Variants in DGKB observed in about 807,000 individuals in gnomAD.
DGKB encodes the protein 90 kDa diacylglycerol kinase.
A neutral mutation model predicts 114.3 loss-of-function variants in DGKB; 67 were observed. The ratio of observed to expected loss-of-function variants is 0.59; its 90% CI spans 0.48 to 0.72. DGKB has a LOEUF of 0.72. Among genes scored for constraint, DGKB ranks in the 30% least tolerant of loss-of-function variants. DGKB has a pLI of 0.00. For missense variants in DGKB, 907 were observed against 975.2 expected, an observed-to-expected ratio of 0.93 and a Z score of 0.93; for synonymous variants, 398 against 323.1, an observed-to-expected ratio of 1.23 and a Z score of -2.49.
intron 23 of DGKB, among the ~76,000 whole-genome samples, chr7:14,291,360 T>C (rs2128472518): frequency 6.6e-6 from 1 of 152,230 alleles, no homozygotes; most frequent in Non-Finnish European, 1.5e-5. Flanking sequence ...ACTTCCTTTC[T>C]TGCAAATTCA....
intron 22 of DGKB, among the ~76,000 whole-genome samples, chr7:14,344,038 A>C (rs1037015396): frequency 6.7e-6 from 1 of 148,596 alleles, no homozygotes; most frequent in Non-Finnish European, 1.5e-5. Flanking sequence ...TACATATACA[A>C]TTATTATATA....
At chr7:14,719,952 A>G (rs1828863232) in intron 5 of DGKB, among the ~76,000 whole-genome samples, 1 of 152,152 alleles carries the variant, frequency 6.6e-6, no homozygotes, top group African/African-American at 2.4e-5. Context: ...CGTCTTACAG[A>G]TTTTAACTTC....
chr7:14,247,864 G>T (rs1178351500), intron 23 of DGKB, among the ~76,000 whole-genome samples: 1 of 151,958 alleles, frequency 6.6e-6, no homozygotes, highest in East Asian at 1.9e-4. Flanking sequence ...AATATCACTT[G>T]TCTATTTTTG....
chr7:14,648,186 G>A lies in DGKB; in HGVS notation c.1135-17918C>T, dbSNP rs540838144. ...CCTGCCTCTGTAGGCTCCACCTCTG[G>A]GGGCAAGGCACAGACAAACAAAAAG... On this transcript the variant is annotated intron_variant, in intron 13 of 25. Coordinates refer to ENST00000402815, the MANE Select transcript of DGKB (RefSeq NM_001350709.2). Among the ~76,000 whole-genome samples, 698 of 152,336 alleles carry A rather than the reference G, an allele frequency of 4.6e-3. 2 individuals carry two copies. Among genetic ancestry groups the A allele is most frequent in the African/African-American group, 0.015 (638 of 41,580 alleles).
chr7:14,249,347 C>A (rs1476578559), intron 23 of DGKB, among the ~76,000 whole-genome samples: 1 of 152,076 alleles, frequency 6.6e-6, no homozygotes, highest in Non-Finnish European at 1.5e-5. Context: ...CAGTGTAATC[C>A]TGGCCTTGCA....
chr7:14,636,825 GA>G (rs967096897), intron 13 of DGKB, among the ~76,000 whole-genome samples: 3 of 151,802 alleles, frequency 2.0e-5, no homozygotes, highest in African/African-American at 7.2e-5. Flanking sequence ...CCAGATTTGT[GA>G]AAACACTAAT....
chr7:14,229,002 A>C (rs1791286769), intron 23 of DGKB, among the ~76,000 whole-genome samples: 1 of 151,902 alleles, frequency 6.6e-6, no homozygotes, highest in South Asian at 2.1e-4. Flanking sequence ...CATTAAGAAA[A>C]TGAGCAGGCT....
At chr7:14,562,623 C>T (rs1288348969) in intron 20 of DGKB, among the ~76,000 whole-genome samples, 1 of 152,168 alleles carries the variant, frequency 6.6e-6, no homozygotes, top group African/African-American at 2.4e-5. Context: ...CATTTTGGAA[C>T]TCGAAGGTTT....
intron 23 of DGKB, among the ~76,000 whole-genome samples, chr7:14,253,387 C>A (rs187408128): frequency 1.3e-5 from 2 of 152,266 alleles, no homozygotes; most frequent in Admixed American, 6.5e-5. Flanking sequence ...ATTCTGCCGT[C>A]TTGCTGTCAC....
chr7:14,170,147 A>AAAAAAAG (rs1780696681), intron 25 of DGKB, among the ~76,000 whole-genome samples: 1 of 37,286 alleles, frequency 2.7e-5, no homozygotes, highest in African/African-American at 2.9e-4. Context: ...AAAAAAAAAA[A>AAAAAAAG]AGAAAGAAAG....
chr7:14,656,723 G>GAT (rs1380145838), intron 13 of DGKB, among the ~76,000 whole-genome samples: 2 of 139,416 alleles, frequency 1.4e-5, no homozygotes, highest in South Asian at 2.3e-4. Context: ...ATACATATAG[G>GAT]ATATATATAC....
At chr7:14,629,024 G>A (rs968887197) in intron 14 of DGKB, among the ~76,000 whole-genome samples, 1 of 152,030 alleles carries the variant, frequency 6.6e-6, no homozygotes, top group African/African-American at 2.4e-5. Context: ...GCATGGGGAT[G>A]CTTTGGAGAT....
At position 14,819,495 on chromosome 7, in the gene DGKB, T is replaced by G. The variant is rs192378098; in HGVS notation, c.70+21699A>C. ...GTCCCAGCTATTCGGGAGGCTGAGG[T>G]GGAAGGATTACTTGAGCCTGGGAGG... On this transcript the variant is annotated intron_variant, in intron 2 of 25. Coordinates refer to ENST00000402815, the MANE Select transcript of DGKB (RefSeq NM_001350709.2). Among the ~76,000 whole-genome samples the G allele has an allele frequency of 1.4e-4, 21 of 151,908 alleles. No homozygotes were observed. In the East Asian group the frequency reaches 3.5e-3, roughly 25 times the overall value.
intron 21 of DGKB, among the ~76,000 whole-genome samples, chr7:14,419,713 G>C (rs905728508): frequency 6.6e-6 from 1 of 151,646 alleles, no homozygotes; most frequent in South Asian, 2.1e-4. Context: ...ACAATCTTAC[G>C]AGACATAGAG....
chr7:14,521,890 T>A (rs1434653143), intron 20 of DGKB, among the ~76,000 whole-genome samples: 1 of 152,208 alleles, frequency 6.6e-6, no homozygotes, highest in East Asian at 1.9e-4. Context: ...TTTTACTTTC[T>A]CTTCTTAAGA....
intron 23 of DGKB, among the ~76,000 whole-genome samples, chr7:14,237,232 T>C (rs1253997696): frequency 6.6e-6 from 1 of 152,020 alleles, no homozygotes; most frequent in African/African-American, 2.4e-5. Flanking sequence ...TATTTATGTA[T>C]AAATGTGAAG....
At chr7:14,274,732 C>T (rs1006747608) in intron 23 of DGKB, among the ~76,000 whole-genome samples, 9 of 151,884 alleles carry the variant, frequency 5.9e-5, no homozygotes, top group African/African-American at 2.2e-4. Flanking sequence ...ACACTTTCTT[C>T]TTGTTGTGTT....
rs1401394017 is a variant in DGKB, at chr7:14,350,598, C to T, written c.1836-5207G>A. ...ACTTAGTGAAACTACTCTGAGAGGTCATATTTTTATTTTACAGGTGCATTT... is the reference window on the plus strand; with the variant it reads ...ACTTAGTGAAACTACTCTGAGAGGTTATATTTTTATTTTACAGGTGCATTT... On this transcript the variant is annotated intron_variant, in intron 21 of 25. Coordinates refer to ENST00000402815, the MANE Select transcript of DGKB (RefSeq NM_001350709.2). 1.3e-5 allele frequency among the ~76,000 whole-genome samples: 2 copies of T among 151,688 alleles called. 1 individual carries two copies. The highest frequency in any genetic ancestry group is 4.2e-4 in the South Asian group (2 of 4,786).
rs62444572 is a variant in DGKB, at chr7:14,349,500, G to C, written c.1836-4109C>G. ...ATGTGTGTTTCTATCAGTTATCCAAGATATGCTCACTTTAGCAAACATATC... is the reference window on the plus strand; with the variant it reads ...ATGTGTGTTTCTATCAGTTATCCAACATATGCTCACTTTAGCAAACATATC... On this transcript the variant is annotated intron_variant, in intron 21 of 25. Coordinates refer to ENST00000402815, the MANE Select transcript of DGKB (RefSeq NM_001350709.2). Among the ~76,000 whole-genome samples the C allele has an allele frequency of 5.5e-3, 834 of 152,210 alleles. 5 individuals are homozygous for C. Among genetic ancestry groups the C allele is most frequent in the South Asian group, 0.011 (53 of 4,830 alleles).
Sources: allele counts gnomAD v4.1 joint callset (sites outside exome capture counted in the v4.1 genomes callset), GRCh38; gene constraint gnomAD v4.1.1; transcripts MANE v1.5; gene names NCBI Gene and HGNC (gene_info 2026-07-23, HGNC 2026-07-21).